NUDT7: variants seen among roughly 807,000 people sequenced by gnomAD.
NUDT7 encodes the protein peroxisomal coenzyme A diphosphatase NUDT7.
In NUDT7, 19 loss-of-function variants were observed where a neutral mutation model predicts 13.1. The ratio of observed to expected loss-of-function variants is 1.45; its 90% confidence interval spans 1.01 to 2.13. NUDT7 has a LOEUF of 2.13. NUDT7 is among the 30% of genes most tolerant of loss of function. The pLI is 0.00. For synonymous variants in NUDT7, 132 were observed against 109.7 expected, an observed-to-expected ratio of 1.20 and a Z score of -1.27; for missense variants, 360 against 291.7, an observed-to-expected ratio of 1.23 and a Z score of -1.71.
intron 1 of NUDT7, among the ~76,000 whole-genome samples, chr16:77,723,725 G>T (rs2014040684): frequency 6.6e-6 from 1 of 151,414 alleles, no homozygotes; most frequent in South Asian, 2.1e-4. Context: ...CTGAGTAGCT[G>T]GGATTACAGG....
At chr16:77,722,747 G>C (rs549955774) in intron 1 of NUDT7, 130 bp downstream of exon 1, 78 of 824,480 alleles carry the variant, frequency 9.5e-5, no homozygotes, top group Admixed American at 3.9e-4. Flanking sequence ...AGCGCCGGAT[G>C]GGGGAGCACT....
chr16:77,729,985 T>C (rs537571634), intron 2 of NUDT7, among the ~76,000 whole-genome samples: 61 of 151,738 alleles, frequency 4.0e-4, no homozygotes, highest in African/African-American at 1.5e-3. Flanking sequence ...ACACATTACC[T>C]CACATAGTAA....
chr16:77,726,105 G>A (rs1389616273), intron 2 of NUDT7, among the ~76,000 whole-genome samples: 1 of 152,174 alleles, frequency 6.6e-6, no homozygotes, highest in East Asian at 1.9e-4. Flanking sequence ...CCAGTATAAT[G>A]TGAAAATACT....
Position 77,722,581 on chromosome 16 carries a change from C to A in NUDT7, c.-2C>A, listed in dbSNP as rs1439986385. 1 of 1,590,256 alleles carries A rather than the reference C, an allele frequency of 6.3e-7. No individual in the cohort carries two copies. The highest frequency in any genetic ancestry group is 8.6e-7 in the Non-Finnish European group (1 of 1,167,628). ...GCCCGGAAACAAACATTCCCCAGGG[C>A]AATGTCACGACTTGGTCTTCCCGAG... is the stretch of plus-strand genomic sequence containing the variant. On this transcript the variant is annotated 5_prime_UTR_variant, in exon 1 of 4. Coordinates refer to ENST00000268533, the MANE Select transcript of NUDT7 (RefSeq NM_001105663.3).
chr16:77,741,152 T>C (rs1004828138), intron 3 of NUDT7, among the ~76,000 whole-genome samples: 1 of 152,220 alleles, frequency 6.6e-6, no homozygotes, highest in African/African-American at 2.4e-5. Context: ...CCCTAATTTA[T>C]ATAACCTAAA....
chr16:77,723,620 T>C (rs1401499975), intron 1 of NUDT7, among the ~76,000 whole-genome samples: 1 of 129,734 alleles, frequency 7.7e-6, no homozygotes, highest in Non-Finnish European at 1.5e-5. Flanking sequence ...TGAGACAGAG[T>C]CTCACTCTGC....
intron 3 of NUDT7, 147 bp from the exon 4 acceptor site, chr16:77,741,434 GA>G: frequency 1.4e-6 from 1 of 725,876 alleles, no homozygotes; most frequent in Non-Finnish European, 2.2e-6. Flanking sequence ...ATTTTAGGGG[GA>G]ACATAAATTT....
intron 2 of NUDT7, among the ~76,000 whole-genome samples, chr16:77,731,711 A>G (rs2014323895): frequency 6.6e-6 from 1 of 152,188 alleles, no homozygotes. Flanking sequence ...AGGCATTGTT[A>G]TTGTAGGAGA....
intron 2 of NUDT7, among the ~76,000 whole-genome samples, chr16:77,727,128 A>G (rs1190480324): frequency 6.6e-6 from 1 of 152,114 alleles, no homozygotes; most frequent in African/African-American, 2.4e-5. Flanking sequence ...CCCCACCTCC[A>G]ACACTGGGGA....
chr16:77,729,289 T>C (rs2014238117), intron 2 of NUDT7, among the ~76,000 whole-genome samples: 1 of 152,138 alleles, frequency 6.6e-6, no homozygotes, highest in Non-Finnish European at 1.5e-5. Flanking sequence ...CTTGTAGAGA[T>C]TTATCCTGTA....
At position 77,735,993 on chromosome 16, in the gene NUDT7, G is replaced by C. The variant is rs542119807; in HGVS notation, c.348+7G>C. On this transcript the variant is annotated splice_region_variant and intron_variant, in intron 3 of 3. Transcript: ENST00000268533. Reference sequence around the variant, plus strand: ...GGTGCCATGTCTTATTGATGTAAGGGTTTCCTGAGACACTCATGAGCACCG... The same window carrying C: ...GGTGCCATGTCTTATTGATGTAAGGCTTTCCTGAGACACTCATGAGCACCG... 2 of 1,613,638 alleles carry C rather than the reference G, an allele frequency of 1.2e-6. No homozygotes were observed. Among genetic ancestry groups the C allele is most frequent in the African/African-American group, 2.7e-5 (2 of 75,004 alleles).
At chr16:77,738,412 C>CT (rs2014556231) in intron 3 of NUDT7, among the ~76,000 whole-genome samples, 1 of 152,154 alleles carries the variant, frequency 6.6e-6, no homozygotes, top group African/African-American at 2.4e-5. Flanking sequence ...AAAAAGTCTG[C>CT]TTTGTTTGGA....
chr16:77,731,712 T>C (rs1202846669), intron 2 of NUDT7, among the ~76,000 whole-genome samples: 1 of 152,170 alleles, frequency 6.6e-6, no homozygotes, highest in African/African-American at 2.4e-5. Flanking sequence ...GGCATTGTTA[T>C]TGTAGGAGAT....
intron 2 of NUDT7, among the ~76,000 whole-genome samples, chr16:77,733,687 T>C (rs1454429612): frequency 6.6e-6 from 1 of 152,200 alleles, no homozygotes; most frequent in African/African-American, 2.4e-5. Context: ...CCACGCACCA[T>C]TCCCGTGCAT....
chr16:77,736,218 C>G, intron 3 of NUDT7: 1 of 460,328 alleles, frequency 2.2e-6, no homozygotes, highest in Non-Finnish European at 3.9e-6. Flanking sequence ...GAACTCCCAT[C>G]AGTGGATTTC....
chr16:77,742,167 C>A lies in NUDT7; in HGVS notation c.*217C>A. On this transcript the variant is annotated 3_prime_UTR_variant, in exon 4 of 4. Transcript: ENST00000268533. Reference sequence around the variant, plus strand: ...CTATGTTCATAGTGTTGCATATTTTCACCCACAATATGTTAATAATATTTT... The same window carrying A: ...CTATGTTCATAGTGTTGCATATTTTAACCCACAATATGTTAATAATATTTT... The A allele has an allele frequency of 8.6e-7, 1 of 1,157,418 alleles. No individual in the cohort carries two copies. Among genetic ancestry groups the A allele is most frequent in the Non-Finnish European group, 1.1e-6 (1 of 911,104 alleles). 71.7% of individuals were successfully genotyped at this position (1,157,418 alleles called of 1,614,324 possible).
intron 3 of NUDT7, among the ~76,000 whole-genome samples, chr16:77,739,459 GAGT>G (rs2014590258): frequency 6.6e-6 from 1 of 152,172 alleles, no homozygotes; most frequent in Non-Finnish European, 1.5e-5. Context: ...GCACTAGTGG[GAGT>G]ATCTTTTAAC....
intron 2 of NUDT7, among the ~76,000 whole-genome samples, chr16:77,730,280 C>A (rs902393587): frequency 6.6e-6 from 1 of 152,110 alleles, no homozygotes; most frequent in Non-Finnish European, 1.5e-5. Context: ...TCCCCAACCT[C>A]CCCCCAAACC....
chr16:77,734,362 G>A (rs944279943), intron 2 of NUDT7, among the ~76,000 whole-genome samples: 7 of 152,124 alleles, frequency 4.6e-5, no homozygotes, highest in Admixed American at 1.3e-4. Flanking sequence ...GGTGGCTCAC[G>A]CCTGTAATGC....
Sources: allele counts gnomAD v4.1 joint callset (sites outside exome capture counted in the v4.1 genomes callset), GRCh38; gene constraint gnomAD v4.1.1; transcripts MANE v1.5; gene names NCBI Gene and HGNC (gene_info 2026-07-23, HGNC 2026-07-21).